Variants in ARSJ observed in about 807,000 individuals in gnomAD.
ARSJ encodes arylsulfatase J.
ARSJ carries 26 observed loss-of-function variants against 35.9 expected under a neutral mutation model. The ratio of observed to expected loss-of-function variants is 0.72; its 90% confidence interval spans 0.53 to 1.00. The LOEUF (loss-of-function observed/expected upper bound fraction) is 1.00. Ranked by LOEUF, ARSJ falls within the 50% of genes least tolerant of loss-of-function variation. The pLI is 0.00. For missense variants in ARSJ, 667 were observed against 723.6 expected (o/e 0.92, Z 0.90); for synonymous variants, 294 against 267.6 (o/e 1.10, Z -0.96).
intron 1 of ARSJ, among the ~76,000 whole-genome samples, chr4:113,905,373 A>C (rs2099668392): frequency 6.6e-6 from 1 of 152,184 alleles, no homozygotes; most frequent in African/African-American, 2.4e-5. Context: ...TTGGATGAAT[A>C]GTTCAATTTA....
Position 113,903,067 on chromosome 4 carries a change from C to T in ARSJ, c.1007G>A (p.Gly336Glu). The T allele has an allele frequency of 1.9e-6, 3 of 1,614,202 alleles. No homozygotes were observed. Among genetic ancestry groups the T allele is most frequent in the Non-Finnish European group, 2.5e-6 (3 of 1,180,022 alleles). The change falls in exon 2 of 2, where the codon GGG (glycine) becomes GAG (glutamate). Residue 336 changes from glycine (G) to glutamate (E), a missense_variant. Coordinates refer to ENST00000315366, the MANE Select transcript of ARSJ (RefSeq NM_024590.4). ...GCTACCTCTGAGAGGCCAGTTACTC[C>T]CTCCTGCCGTAGGCTGGCCACCATT... ...SDNGGQPTAG[G>E]SNWPLRGSKG...
chr4:113,923,626 C>T (rs1482344506), intron 1 of ARSJ, among the ~76,000 whole-genome samples: 2 of 152,004 alleles, frequency 1.3e-5, no homozygotes, highest in East Asian at 3.9e-4. Flanking sequence ...ATGGTGTATA[C>T]ATTTCCAGCA....
rs753865255 is a variant in ARSJ, at chr4:113,902,337, C to CT, written c.1736dup (p.Lys580GlufsTer32). The stretch of plus-strand genomic sequence containing the variant: ...AGACTGCTTTCTGCTGTTTCTTCTT[C>CT]TTTTTTTTGCTTTTCTTTTGCTTTT... On this transcript the variant is annotated frameshift_variant, in exon 2 of 2. Transcript: ENST00000315366. LOFTEE classifies it low-confidence loss of function (END_TRUNC). 1.7e-4 allele frequency: 279 copies of CT among 1,612,990 alleles called. 1 individual carries two copies. The highest frequency in any genetic ancestry group is 3.9e-4 in the African/African-American group (29 of 74,868).
intron 1 of ARSJ, among the ~76,000 whole-genome samples, chr4:113,935,467 A>G (rs1724707652): frequency 6.6e-6 from 1 of 151,886 alleles, no homozygotes; most frequent in South Asian, 2.1e-4. Context: ...CACAAGACAG[A>G]AAACCCTTTG....
intron 1 of ARSJ, among the ~76,000 whole-genome samples, chr4:113,955,191 C>G (rs1726100103): frequency 6.6e-6 from 1 of 151,850 alleles, no homozygotes; most frequent in Non-Finnish European, 1.5e-5. Context: ...TAAACTAAAG[C>G]CACTTCTCAG....
At chr4:113,923,097 G>T (rs1723786543) in intron 1 of ARSJ, among the ~76,000 whole-genome samples, 1 of 152,076 alleles carries the variant, frequency 6.6e-6, no homozygotes, top group African/African-American at 2.4e-5. Flanking sequence ...CTGCATTGGG[G>T]TCTTTCTCCT....
At chr4:113,950,612 G>C (rs1228748294) in intron 1 of ARSJ, among the ~76,000 whole-genome samples, 1 of 152,066 alleles carries the variant, frequency 6.6e-6, no homozygotes, top group Non-Finnish European at 1.5e-5. Context: ...GAAGAGGGGA[G>C]AGATAGTAAT....
chr4:113,937,805 TA>T (rs1194771017), intron 1 of ARSJ, among the ~76,000 whole-genome samples: 1 of 151,860 alleles, frequency 6.6e-6, no homozygotes, highest in Non-Finnish European at 1.5e-5. Context: ...AAAAAGGGAA[TA>T]AAATATCTAG....
chr4:113,978,317 A>G, intron 1 of ARSJ, 120 bp downstream of exon 1: 3 of 929,730 alleles, frequency 3.2e-6, no homozygotes, highest in Non-Finnish European at 4.8e-6. Flanking sequence ...TCATTCATTC[A>G]TTCTTCATTC....
intron 1 of ARSJ, among the ~76,000 whole-genome samples, chr4:113,922,729 CA>C (rs1723763636): frequency 6.6e-6 from 1 of 152,028 alleles, no homozygotes; most frequent in Non-Finnish European, 1.5e-5. Context: ...TTAAACATGC[CA>C]GTTTTGCTTG....
At position 113,902,206 on chromosome 4, in the gene ARSJ, G is replaced by T. The variant is rs1231130145; in HGVS notation, c.*68C>A. On this transcript the variant is annotated 3_prime_UTR_variant, in exon 2 of 2. Transcript: ENST00000315366. ...GCGATATTATCGAGCCAAATTTGCT[G>T]GTTTACCTAGGAAACAGATGAAAGA... 1 of 1,599,660 alleles carries T rather than the reference G, an allele frequency of 6.3e-7. No individual in the cohort carries two copies. Among genetic ancestry groups the T allele is most frequent in the Non-Finnish European group, 8.5e-7 (1 of 1,179,954 alleles).
intron 1 of ARSJ, among the ~76,000 whole-genome samples, chr4:113,915,085 T>C (rs1723210005): frequency 6.6e-6 from 1 of 152,198 alleles, no homozygotes; most frequent in Non-Finnish European, 1.5e-5. Context: ...TGATACCTGA[T>C]TGATACTATC....
In ARSJ at chr4:113,978,454, A is replaced by G; in HGVS notation, c.381T>C (p.Ser127=). Residue 127 remains serine (S), a synonymous_variant, in exon 1 of 2, where the codon AGT becomes AGC. Coordinates refer to ENST00000315366, the MANE Select transcript of ARSJ (RefSeq NM_024590.4). ...ACACTTACTTTCCAGTAATAAACTG[A>G]CTCCTGGATGGTGTGCAAATAGGCT... ...YVQPICTPSR[S]QFITGKYQIH... is the part of the protein sequence containing the mutation. 1 of 1,601,304 alleles carries G rather than the reference A, an allele frequency of 6.2e-7. No individual in the cohort carries two copies. Among genetic ancestry groups the G allele is most frequent in the East Asian group, 2.2e-5 (1 of 44,756 alleles).
intron 1 of ARSJ, among the ~76,000 whole-genome samples, chr4:113,912,503 A>G (rs1722983155): frequency 6.8e-6 from 1 of 147,018 alleles, no homozygotes; most frequent in African/African-American, 2.7e-5. Flanking sequence ...ATATAGATGG[A>G]AAAAAAAAGA....
At chr4:113,921,011 T>C (rs973860300) in intron 1 of ARSJ, among the ~76,000 whole-genome samples, 1 of 151,876 alleles carries the variant, frequency 6.6e-6, no homozygotes, top group Non-Finnish European at 1.5e-5. Flanking sequence ...ACTGTATAGG[T>C]GCTGCATGGA....
At chr4:113,973,794 T>A (rs1727426271) in intron 1 of ARSJ, among the ~76,000 whole-genome samples, 1 of 152,204 alleles carries the variant, frequency 6.6e-6, no homozygotes, top group Non-Finnish European at 1.5e-5. Flanking sequence ...ATCTATACTC[T>A]CTCTTCTTTC....
chr4:113,923,687 G>A (rs1434640052), intron 1 of ARSJ, among the ~76,000 whole-genome samples: 3 of 151,884 alleles, frequency 2.0e-5, no homozygotes, highest in Non-Finnish European at 2.9e-5. Flanking sequence ...TAAAAGTAAG[G>A]GAGAAGTGAT....
At chr4:113,931,543 A>G (rs1178207187) in intron 1 of ARSJ, among the ~76,000 whole-genome samples, 1 of 152,108 alleles carries the variant, frequency 6.6e-6, no homozygotes, top group Non-Finnish European at 1.5e-5. Flanking sequence ...TAGTATTTCT[A>G]TAACAATAAA....
At chr4:113,951,156 A>T (rs940067811) in intron 1 of ARSJ, among the ~76,000 whole-genome samples, 2 of 152,080 alleles carry the variant, frequency 1.3e-5, no homozygotes, top group Non-Finnish European at 2.9e-5. Flanking sequence ...AATATGGGGA[A>T]GTTCAATATC....
Sources: gnomAD v4.1 joint callset for allele counts (sites outside exome capture counted in the v4.1 genomes callset) on GRCh38, gnomAD v4.1.1 for gene constraint, MANE v1.5 for transcripts, NCBI Gene and HGNC (gene_info 2026-07-23, HGNC 2026-07-21) for gene names.